Variants in DIAPH3 observed in about 807,000 individuals in gnomAD.
DIAPH3 encodes diaphanous related formin 3.
DIAPH3 carries 117 observed loss-of-function variants against 144.3 expected under a neutral mutation model. The observed-to-expected ratio is 0.81, with a 90% CI of 0.70 to 0.95. The LOEUF (loss-of-function observed/expected upper bound fraction) is 0.95. Ranked by LOEUF, DIAPH3 falls within the 40% of genes least tolerant of loss-of-function variation. The pLI is 0.00. For missense variants in DIAPH3, 1,421 were observed against 1,412.7 expected, an observed-to-expected ratio of 1.01 and a Z score of -0.09; for synonymous variants, 519 against 488.9, an observed-to-expected ratio of 1.06 and a Z score of -0.81.
At chr13:59,946,256 T>C (rs1027093704) in intron 17 of DIAPH3, among the ~76,000 whole-genome samples, 2 of 152,196 alleles carry the variant, frequency 1.3e-5, no homozygotes, top group African/African-American at 4.8e-5. Context: ...TGTGTTCCTA[T>C]TATATTGTCC....
intron 24 of DIAPH3, among the ~76,000 whole-genome samples, chr13:59,823,341 T>C (rs1158221167): frequency 6.6e-6 from 1 of 152,196 alleles, no homozygotes; most frequent in Non-Finnish European, 1.5e-5. Flanking sequence ...GCACCTGAAA[T>C]TGATCTAATT....
chr13:59,983,689 A>C, intron 13 of DIAPH3, 80 bp downstream of exon 13: 1 of 954,786 alleles, frequency 1.0e-6, no homozygotes, highest in South Asian at 1.4e-5. Context: ...CCAGAGACAC[A>C]ACCCGAGAAC....
At chr13:59,706,573 C>T (rs2034442203) in intron 27 of DIAPH3, among the ~76,000 whole-genome samples, 1 of 152,174 alleles carries the variant, frequency 6.6e-6, no homozygotes, top group Non-Finnish European at 1.5e-5. Context: ...TTAATGTATA[C>T]TTTGTAAATG....
intron 21 of DIAPH3, among the ~76,000 whole-genome samples, chr13:59,876,992 G>C (rs1462785253): frequency 6.6e-6 from 1 of 151,970 alleles, no homozygotes; most frequent in Non-Finnish European, 1.5e-5. Context: ...CCCTGAATTT[G>C]TGTACTTCCC....
intron 21 of DIAPH3, among the ~76,000 whole-genome samples, chr13:59,874,937 T>C (rs1016783948): frequency 6.6e-6 from 1 of 152,226 alleles, no homozygotes; most frequent in African/African-American, 2.4e-5. Context: ...GTTATGGTTA[T>C]TATATGTGGA....
intron 18 of DIAPH3, among the ~76,000 whole-genome samples, chr13:59,918,306 T>C (rs1381329801): frequency 2.0e-5 from 3 of 149,324 alleles, no homozygotes; most frequent in African/African-American, 7.4e-5. Flanking sequence ...ACAACAAATC[T>C]ACCAGTATAA....
chr13:59,958,574 T>C (rs1228996434), intron 17 of DIAPH3, among the ~76,000 whole-genome samples: 2 of 152,064 alleles, frequency 1.3e-5, no homozygotes, highest in Non-Finnish European at 2.9e-5. Flanking sequence ...TTATAGAAAG[T>C]ATTTCCAGGT....
intron 17 of DIAPH3, among the ~76,000 whole-genome samples, chr13:59,947,737 A>AC (rs2048873464): frequency 6.6e-6 from 1 of 151,982 alleles, no homozygotes; most frequent in Non-Finnish European, 1.5e-5. Context: ...TGTATTTAAA[A>AC]AAAAAAAACA....
intron 27 of DIAPH3, among the ~76,000 whole-genome samples, chr13:59,773,820 CA>C (rs35113788): frequency 0.67 from 101,699 of 151,964 alleles, 34,359 homozygotes; most frequent in East Asian, 0.72. Context: ...GAGATTAAAA[CA>C]AGATGACAGA....
At chr13:60,025,587 GT>G in intron 5 of DIAPH3, among the ~76,000 whole-genome samples, 1 of 151,446 alleles carries the variant, frequency 6.6e-6, no homozygotes, top group Non-Finnish European at 1.5e-5. Flanking sequence ...GAAAGAAGAA[GT>G]TTCAAAAAGA....
chr13:59,885,448 T>TAAA (rs67977635), intron 20 of DIAPH3, among the ~76,000 whole-genome samples: 1,766 of 92,950 alleles, frequency 0.019, 57 homozygotes, highest in East Asian at 0.088. Context: ...CTTCTTTCAC[T>TAAA]AAAAAAAAAA....
At chr13:60,057,581 T>C (rs535670236) in intron 4 of DIAPH3, among the ~76,000 whole-genome samples, 5 of 152,100 alleles carry the variant, frequency 3.3e-5, no homozygotes, top group South Asian at 4.1e-4. Flanking sequence ...AGAGCCTGAA[T>C]ACCCAAAGCA....
Position 60,064,129 on chromosome 13 carries a change from G to A in DIAPH3, c.496-21309C>T, listed in dbSNP as rs529271648. On this transcript the variant is annotated intron_variant, in intron 4 of 27. Transcript: ENST00000400324. ...CAGCATTTGTTGTTCCATTTCTGGA[G>A]TGCAGGCAGAGAAGATTTAGCATCA... is the stretch of plus-strand genomic sequence containing the variant. 6.6e-5 allele frequency among the ~76,000 whole-genome samples: 10 copies of A among 152,314 alleles called. No homozygotes were observed. The South Asian group carries it at 2.1e-3, about 32-fold the overall frequency.
At chr13:59,923,773 T>C (rs1233831315) in intron 18 of DIAPH3, among the ~76,000 whole-genome samples, 1 of 152,180 alleles carries the variant, frequency 6.6e-6, no homozygotes, top group Non-Finnish European at 1.5e-5. Context: ...AATGCCGCCA[T>C]ACTATCCATG....
At chr13:59,760,255 G>A (rs778226826) in intron 27 of DIAPH3, among the ~76,000 whole-genome samples, 1 of 152,006 alleles carries the variant, frequency 6.6e-6, no homozygotes, top group Admixed American at 6.6e-5. Context: ...TCCTCCTTTC[G>A]TACATGGGGA....
At chr13:59,870,820 G>T (rs1006769919) in intron 21 of DIAPH3, among the ~76,000 whole-genome samples, 4 of 151,942 alleles carry the variant, frequency 2.6e-5, no homozygotes, top group Admixed American at 2.6e-4. Context: ...ACAAGCATGT[G>T]CCACCACGCC....
At chr13:60,056,854 G>C (rs1054112046) in intron 4 of DIAPH3, among the ~76,000 whole-genome samples, 2 of 151,890 alleles carry the variant, frequency 1.3e-5, no homozygotes, top group South Asian at 4.1e-4. Context: ...ACAACAATGT[G>C]CTGGAACTAG....
chr13:59,681,160 C>T (rs1420400595), intron 27 of DIAPH3, among the ~76,000 whole-genome samples: 2 of 152,152 alleles, frequency 1.3e-5, no homozygotes, highest in Admixed American at 6.5e-5. Flanking sequence ...GCATATCACA[C>T]ATACTTTGTT....
chr13:59,782,002 T>A (rs781531516), intron 25 of DIAPH3, among the ~76,000 whole-genome samples: 22 of 152,138 alleles, frequency 1.4e-4, no homozygotes, highest in Admixed American at 5.2e-4. Context: ...GGCATCATGA[T>A]CTTGTATTTC....
Sources: gnomAD v4.1 joint callset for allele counts (sites outside exome capture counted in the v4.1 genomes callset) on GRCh38, gnomAD v4.1.1 for gene constraint, MANE v1.5 for transcripts, NCBI Gene and HGNC (gene_info 2026-07-23, HGNC 2026-07-21) for gene names.